ITM2C: variants seen among roughly 807,000 people sequenced by gnomAD.
ITM2C encodes the protein integral membrane protein 2C.
ITM2C carries 20 observed loss-of-function variants against 30.0 expected under a neutral mutation model. The observed-to-expected ratio is 0.67, with a 90% confidence interval of 0.47 to 0.97. The LOEUF (loss-of-function observed/expected upper bound fraction) is 0.97. Among genes scored for constraint, ITM2C ranks in the 50% least tolerant of loss-of-function variants. The pLI is 0.00. For missense variants in ITM2C, 366 were observed against 371.9 expected, an observed-to-expected ratio of 0.98 and a Z score of 0.13; for synonymous variants, 167 against 156.4, an observed-to-expected ratio of 1.07 and a Z score of -0.51.
chr2:230,870,887 T>C (rs1697149237), intron 1 of ITM2C, among the ~76,000 whole-genome samples: 1 of 152,142 alleles, frequency 6.6e-6, no homozygotes, highest in Non-Finnish European at 1.5e-5. Flanking sequence ...TTTTCCCTTT[T>C]CTGTCTTTCT....
intron 1 of ITM2C, among the ~76,000 whole-genome samples, chr2:230,866,549 C>T (rs955327166): frequency 4.6e-5 from 7 of 152,172 alleles, no homozygotes; most frequent in African/African-American, 1.7e-4. Context: ...AAGAGTTCAA[C>T]AACCACCTAG....
rs771509595 is a variant in ITM2C, at chr2:230,876,928, G to A, written c.522G>A (p.Leu174=). 1.2e-6 allele frequency: 2 copies of A among 1,613,932 alleles called. No homozygotes were observed. Among genetic ancestry groups the A allele is most frequent in the South Asian group, 1.1e-5 (1 of 91,072 alleles). The change falls in exon 4 of 6, where the codon CTG becomes CTA. Residue 174 remains leucine (L), a synonymous_variant. Coordinates refer to ENST00000326427, the MANE Select transcript of ITM2C (RefSeq NM_030926.6). ...TCGAACTCAACACCACCATTGTGCT[G>A]CCCCCTCGCAACTTCTGGGAGCTCC... The part of the protein sequence containing the change: ...YVIELNTTIV[L]PPRNFWELLM...
rs553555961 is a variant in ITM2C at position 230,868,459 on chromosome 2, G to GCATTCA, written c.120+3316_120+3317insTTCACA. Among the ~76,000 whole-genome samples the GCATTCA allele has an allele frequency of 8.4e-3, 925 of 110,588 alleles. 6 individuals are homozygous for GCATTCA. Among genetic ancestry groups the GCATTCA allele is most frequent in the Middle Eastern group, 0.017 (4 of 240 alleles). The allele number at this position is 110,588 out of a possible 152,430, so 72.6% of individuals were successfully genotyped here. On this transcript the variant is annotated intron_variant, in intron 1 of 5. Transcript: ENST00000326427. Reference sequence around the variant, plus strand: ...TTCTCCCCACACCCTGCCTGTGCCTGCACTCACACACACACACACACACAC... The same window carrying GCATTCA: ...TTCTCCCCACACCCTGCCTGTGCCTGCATTCACACTCACACACACACACACACACAC...
intron 2 of ITM2C, among the ~76,000 whole-genome samples, chr2:230,875,063 C>T (rs1458160205): frequency 6.6e-6 from 1 of 152,214 alleles, no homozygotes; most frequent in Non-Finnish European, 1.5e-5. Context: ...GTGTTAGGCC[C>T]CTCCAGGTCT....
chr2:230,865,483 G>T lies in ITM2C; in HGVS notation c.120+338G>T. ...CCGAAGAAGTTCGAGGAATGTTGGT[G>T]GGGGGGTACGCGTCTGGTTCCAATC... is the stretch of plus-strand genomic sequence containing the variant. On this transcript the variant is annotated intron_variant, in intron 1 of 5. Coordinates refer to ENST00000326427, the MANE Select transcript of ITM2C (RefSeq NM_030926.6). The surrounding 1 kb of genome is among the most constrained non-coding windows in gnomAD (Gnocchi z 6.8). 2 of 213,474 alleles carry T rather than the reference G, an allele frequency of 9.4e-6. No homozygotes were observed. The highest frequency in any genetic ancestry group is 1.8e-5 in the Non-Finnish European group (2 of 108,400). The allele number at this position is 213,474 out of a possible 1,614,324, so 13.2% of individuals were successfully genotyped here.
chr2:230,875,818 G>A lies in ITM2C; in HGVS notation c.450+10G>A. Reference sequence around the variant, plus strand: ...CCATGACTTCCAGCGGGTGAGGCTGGCCAGGGCCTGGGGGTGGGGGGTGGG... The same window carrying A: ...CCATGACTTCCAGCGGGTGAGGCTGACCAGGGCCTGGGGGTGGGGGGTGGG... On this transcript the variant is annotated intron_variant, in intron 3 of 5. Transcript: ENST00000326427. 4.1e-6 allele frequency: 2 copies of A among 482,696 alleles called. No individual in the cohort carries two copies. The allele number at this position is 482,696 out of a possible 1,614,324, so 29.9% of individuals were successfully genotyped here.
At chr2:230,873,133 C>G (rs546575963) in intron 1 of ITM2C, 4 of 362,506 alleles carry the variant, frequency 1.1e-5, no homozygotes, top group Non-Finnish European at 1.5e-5. Context: ...AATGCACCTG[C>G]TGAACCCACT....
At chr2:230,867,872 T>A (rs1380322789) in intron 1 of ITM2C, among the ~76,000 whole-genome samples, 1 of 152,172 alleles carries the variant, frequency 6.6e-6, no homozygotes, top group African/African-American at 2.4e-5. Context: ...TTGGCCAGAC[T>A]GGTCTCAAAT....
chr2:230,866,145 G>T (rs1488342406), intron 1 of ITM2C, among the ~76,000 whole-genome samples: 3 of 152,204 alleles, frequency 2.0e-5, no homozygotes, highest in African/African-American at 7.2e-5. Context: ...GCCCAGCCAG[G>T]TTTTATTGTG....
At chr2:230,872,001 C>A (rs549009206) in intron 1 of ITM2C, among the ~76,000 whole-genome samples, 5 of 152,264 alleles carry the variant, frequency 3.3e-5, no homozygotes, top group Non-Finnish European at 7.3e-5. Flanking sequence ...GAACCACCCC[C>A]CTCCAGGGGG....
chr2:230,875,644 T>C lies in ITM2C; in HGVS notation c.286T>C (p.Cys96Arg). Residue 96 changes from cysteine to arginine, a missense_variant, in exon 3 of 6, where the codon TGT (cysteine) becomes CGT (arginine). Cys to Arg is a radical substitution (Grantham distance 180). Transcript: ENST00000326427. ...AQLARDNFFRCGVLYEDSLSS... is the reference protein window; with the variant it reads ...AQLARDNFFRRGVLYEDSLSS... Reference sequence around the variant, plus strand: ...GCTGGCCCGAGATAACTTCTTCCGCTGTGGTGTGCTGTATGAGGACTCCCT... The same window carrying C: ...GCTGGCCCGAGATAACTTCTTCCGCCGTGGTGTGCTGTATGAGGACTCCCT... The C allele has an allele frequency of 6.2e-7, 1 of 1,608,138 alleles. No homozygotes were observed. Among genetic ancestry groups the C allele is most frequent in the African/African-American group, 1.3e-5 (1 of 74,822 alleles).
At chr2:230,874,993 C>T (rs1697254808) in intron 2 of ITM2C, among the ~76,000 whole-genome samples, 1 of 152,112 alleles carries the variant, frequency 6.6e-6, no homozygotes, top group Non-Finnish European at 1.5e-5. Context: ...GTGGAGGTAA[C>T]CGTGATAGGG....
upstream of ITM2C, among the ~76,000 whole-genome samples, chr2:230,864,193 A>T (rs1385702170): frequency 6.6e-6 from 1 of 152,122 alleles, no homozygotes; most frequent in Non-Finnish European, 1.5e-5. This position sits in a 1 kb window ranked among gnomAD's most constrained non-coding sequence, Gnocchi z 4.3. Flanking sequence ...CACTCTCGCC[A>T]GGGTCCTCCT....
At chr2:230,874,579 G>A (rs1697243674) in intron 2 of ITM2C, among the ~76,000 whole-genome samples, 1 of 152,206 alleles carries the variant, frequency 6.6e-6, no homozygotes. Flanking sequence ...TCTGTGCCCT[G>A]GGACAGTATT....
chr2:230,870,270 G>T (rs1344416758), intron 1 of ITM2C, among the ~76,000 whole-genome samples: 1 of 152,250 alleles, frequency 6.6e-6, no homozygotes, highest in Admixed American at 6.5e-5. Context: ...CAGCGCTGGG[G>T]CGGGATTTAG....
At position 230,865,281 on chromosome 2, in the gene ITM2C, G is replaced by C. The variant is rs1209045504; in HGVS notation, c.120+136G>C. 3.2e-6 allele frequency: 3 copies of C among 933,574 alleles called. No homozygotes were observed. In the African/African-American group the frequency reaches 5.1e-5, roughly 16 times the overall value. 57.8% of individuals were successfully genotyped at this position (933,574 alleles called of 1,614,324 possible). On this transcript the variant is annotated intron_variant, in intron 1 of 5. Coordinates refer to ENST00000326427, the MANE Select transcript of ITM2C (RefSeq NM_030926.6). The surrounding 1 kb of genome is among the most constrained non-coding windows in gnomAD (Gnocchi z 6.8). ...GGGTGGAGCAGGGTTGGGAAGTCTC[G>C]AATGGTTGCTTATCCCAGAATGAGG...
intron 1 of ITM2C, among the ~76,000 whole-genome samples, chr2:230,866,628 G>C (rs914492497): frequency 6.6e-6 from 1 of 152,220 alleles, no homozygotes; most frequent in African/African-American, 2.4e-5. Context: ...CTTAGGTGGA[G>C]GGGGCGCTCC....
chr2:230,877,298 C>G lies in ITM2C; in HGVS notation c.562-102C>G. ...TGCCTGAGGACATCAGAAGGGCCAG[C>G]CCAGGGGCCTCTGGAGGAGGGAGGT... On this transcript the variant is annotated intron_variant, in intron 4 of 5. Coordinates refer to ENST00000326427, the MANE Select transcript of ITM2C (RefSeq NM_030926.6). The surrounding 1 kb of genome is among the most constrained non-coding windows in gnomAD (Gnocchi z 4.8). 8.0e-7 allele frequency: 1 copy of G among 1,257,580 alleles called. No homozygotes were observed. Among genetic ancestry groups the G allele is most frequent in the Non-Finnish European group, 1.1e-6 (1 of 883,102 alleles). The allele number at this position is 1,257,580 out of a possible 1,614,324, so 77.9% of individuals were successfully genotyped here.
rs1228120883 is a variant in ITM2C, at chr2:230,873,556, A to G, written c.260A>G (p.Gln87Arg). The G allele has an allele frequency of 7.5e-6, 12 of 1,601,068 alleles. No individual in the cohort carries two copies. The highest frequency in any genetic ancestry group is 9.4e-6 in the Non-Finnish European group (11 of 1,175,116). Residue 87 changes from glutamine (Q) to arginine (R), a missense_variant and splice_region_variant, in exon 2 of 6, where the codon CAG becomes CGG. Physicochemically the swap from Gln to Arg is conservative, Grantham distance 43. Coordinates refer to ENST00000326427, the MANE Select transcript of ITM2C (RefSeq NM_030926.6). ...VYIYRYFFLAQLARDNFFRCG... is the reference protein window; with the variant it reads ...VYIYRYFFLARLARDNFFRCG... ...ATCTACAGATACTTCTTCCTTGCGCAGGTGAGGGGCCGGGCCAGGTAGGGG... is the reference window on the plus strand; with the variant it reads ...ATCTACAGATACTTCTTCCTTGCGCGGGTGAGGGGCCGGGCCAGGTAGGGG...
Sources: gnomAD v4.1 joint callset for allele counts (sites outside exome capture counted in the v4.1 genomes callset) on GRCh38, gnomAD v4.1.1 for gene constraint, Gnocchi (gnomAD v3.1) non-coding constraint, MANE v1.5 for transcripts, NCBI Gene and HGNC (gene_info 2026-07-23, HGNC 2026-07-21) for gene names.